KCND1: variants seen among roughly 807,000 people sequenced by gnomAD.
KCND1 encodes potassium voltage-gated channel subfamily D member 1.
Under a neutral mutation model 31.8 loss-of-function variants are expected in KCND1, and 11 were observed. That is an observed-to-expected ratio of 0.35 (90% CI 0.22 to 0.57). The LOEUF is 0.57. Among genes scored for constraint, KCND1 ranks in the 20% least tolerant of loss-of-function variants. The pLI, the probability that KCND1 is intolerant of heterozygous loss-of-function variation, is 0.85. For synonymous variants in KCND1, 234 were observed against 248.1 expected (o/e 0.94, Z 0.53); for missense variants, 471 against 596.8 (o/e 0.79, Z 2.20).
In KCND1 at chrX:48,969,548, A is replaced by G; in HGVS notation, c.724T>C (p.Phe242Leu). 2 of 1,210,994 alleles carry G rather than the reference A, an allele frequency of 1.7e-6. No individual in the cohort carries two copies. The highest frequency in any genetic ancestry group is 2.2e-6 in the Non-Finnish European group (2 of 895,108). The change falls in exon 1 of 6, where the codon TTC becomes CTC. Residue 242 changes from phenylalanine (F) to leucine (L), a missense_variant. Phe to Leu is a conservative substitution (Grantham distance 22). Coordinates refer to ENST00000218176, the MANE Select transcript of KCND1 (RefSeq NM_004979.6). ...FCMDTACVLI[F>L]TGEYLLRLFA... Reference sequence around the variant, plus strand: ...AGCCGCAGGAGGTATTCACCTGTGAATATGAGTACACAGGCTGTGTCCATG... The same window carrying G: ...AGCCGCAGGAGGTATTCACCTGTGAGTATGAGTACACAGGCTGTGTCCATG...
intron 5 of KCND1, among the ~76,000 whole-genome samples, chrX:48,964,491 G>GACACCGCACTCCA (rs1557057671): frequency 1.1e-4 from 12 of 109,071 alleles, no homozygotes; most frequent in African/African-American, 3.0e-4. Flanking sequence ...ACTCCAGTCT[G>GACACCGCACTCCA]GGCGACAGAG....
At chrX:48,968,082 G>A (rs1386822676) in intron 1 of KCND1, 4 of 111,456 alleles carry the variant, frequency 3.6e-5, no homozygotes, top group African/African-American at 1.3e-4. Context: ...AACCAGAATT[G>A]GGGTTTCTAC....
chrX:48,965,274 G>A (rs1344628197), intron 5 of KCND1, among the ~76,000 whole-genome samples: 7 of 110,124 alleles, frequency 6.4e-5, no homozygotes, highest in South Asian at 3.9e-4. Context: ...GGCTGGTCTC[G>A]AACTCCTGAC....
intron 1 of KCND1, 76 bp downstream of exon 1, chrX:48,969,075 C>G (rs1221022991): frequency 1.0e-6 from 1 of 1,001,376 alleles, no homozygotes; most frequent in African/African-American, 2.0e-5. Flanking sequence ...AGAAAGAGAT[C>G]ATTCCTTTAA....
At chrX:48,964,581 G>A (rs1375507558) in intron 5 of KCND1, among the ~76,000 whole-genome samples, 1 of 109,444 alleles carries the variant, frequency 9.1e-6, no homozygotes, top group Non-Finnish European at 1.9e-5. Context: ...GCTGGGTATG[G>A]TGGCGGACAC....
chrX:48,965,039 C>T (rs1311321502), intron 5 of KCND1, among the ~76,000 whole-genome samples: 1 of 105,909 alleles, frequency 9.4e-6, no homozygotes, highest in African/African-American at 3.4e-5. Flanking sequence ...ACTGCATCAC[C>T]ACCCTGCTGT....
Position 48,967,027 on chromosome X carries a change from C to A in KCND1, c.1201G>T (p.Ala401Ser). 1.7e-6 allele frequency: 2 copies of A among 1,209,585 alleles called. No homozygotes were observed. The highest frequency in any genetic ancestry group is 2.2e-6 in the Non-Finnish European group (2 of 894,367). Residue 401 changes from alanine (A) to serine (S), a missense_variant, in exon 2 of 6, where the codon GCC (alanine) becomes TCC (serine). Ala to Ser is a moderately conservative substitution (Grantham distance 99). Transcript: ENST00000218176. Reference sequence around the variant, plus strand: ...GACACAATGACTGGCACAGGCAGGGCAATGACCAAGACGCCACTGAGTGAG... The same window carrying A: ...GACACAATGACTGGCACAGGCAGGGAAATGACCAAGACGCCACTGAGTGAG... ...ICSLSGVLVI[A>S]LPVPVIVSNF...
Position 48,970,477 on chromosome X carries a change from C to A in KCND1, c.-206G>T. On this transcript the variant is annotated 5_prime_UTR_variant, in exon 1 of 6. In the 5' UTR this introduces an upstream ATG that the reference lacks. Transcript: ENST00000218176. ...GACATTTACAGAACCTAGGAGGGGC[C>A]TGGGCAATGTTCTGAGGGACTGAGA... is the stretch of plus-strand genomic sequence containing the variant. 4.9e-6 allele frequency: 2 copies of A among 410,847 alleles called. No homozygotes were observed. Among genetic ancestry groups the A allele is most frequent in the Admixed American group, 4.8e-5 (1 of 21,008 alleles). 33.9% of individuals were successfully genotyped at this position (410,847 alleles called of 1,213,427 possible).
intron 1 of KCND1, chrX:48,967,331 G>A (rs1407849164): frequency 7.7e-6 from 3 of 388,447 alleles, no homozygotes; most frequent in South Asian, 4.3e-5. Flanking sequence ...TACATACCAA[G>A]CACCTGAGTC....
rs1557058654 is a variant in KCND1, at chrX:48,969,926, C to T, written c.346G>A (p.Glu116Lys). The T allele has an allele frequency of 1.7e-6, 2 of 1,210,930 alleles. No individual in the cohort carries two copies. Among genetic ancestry groups the T allele is most frequent in the Non-Finnish European group, 1.1e-6 (1 of 895,042 alleles). The change falls in exon 1 of 6, where the codon GAA (glutamate) becomes AAA (lysine). Residue 116 changes from glutamate to lysine, a missense_variant. Physicochemically the swap from Glu to Lys is moderately conservative, Grantham distance 56 (BLOSUM62 1). Transcript: ENST00000218176. ...PRQECIQAFD[E>K]ELAFYGLVPE... ...ACCAGGCCGTAGAAAGCCAGCTCTT[C>T]GTCGAAGGCCTGGATGCACTCCTGC...
Position 48,964,723 on chromosome X carries a change from A to G in KCND1, c.1718+1332T>C, listed in dbSNP as rs1319808198. Among the ~76,000 whole-genome samples the G allele has an allele frequency of 8.7e-3, 863 of 98,733 alleles. 7 individuals are homozygous for G. Among genetic ancestry groups the G allele is most frequent in the Non-Finnish European group, 0.014 (671 of 48,684 alleles). 85.7% of individuals were successfully genotyped at this position (98,733 alleles called of 115,157 possible). A position where few individuals can be genotyped will look rare whatever the true frequency, so the allele number is the denominator to read the frequency against. ...CAACAAGAGCAAAACTTCGTCTCAA[A>G]AAAAAAAAAAAAAAATGCAGCCAGG... On this transcript the variant is annotated intron_variant, in intron 5 of 5. Coordinates refer to ENST00000218176, the MANE Select transcript of KCND1 (RefSeq NM_004979.6).
intron 5 of KCND1, among the ~76,000 whole-genome samples, chrX:48,965,701 C>G: frequency 9.0e-6 from 1 of 110,589 alleles, no homozygotes; most frequent in East Asian, 2.8e-4. Flanking sequence ...CATGGCAAAA[C>G]CTCATCTCTA....
intron 5 of KCND1, 34 bp from the exon 6 acceptor site, chrX:48,962,840 T>G (rs1189239854): frequency 9.6e-6 from 11 of 1,142,141 alleles, no homozygotes; most frequent in Non-Finnish European, 1.3e-5. Context: ...GGAAGGCTCT[T>G]AAAAAGTTAT....
rs1317450829 is a variant in KCND1 at position 48,971,750 on chromosome X, C to T, written c.-1479G>A. ...CTCGGGGCGTCCTCACCTGTGTCCCCGCTGCAGGAGCAGCAACAGCGGTGG... is the reference window on the plus strand; with the variant it reads ...CTCGGGGCGTCCTCACCTGTGTCCCTGCTGCAGGAGCAGCAACAGCGGTGG... On this transcript the variant is annotated 5_prime_UTR_variant, in exon 1 of 6. Coordinates refer to ENST00000218176, the MANE Select transcript of KCND1 (RefSeq NM_004979.6). Among the ~76,000 whole-genome samples, 1 of 111,098 alleles carries T rather than the reference C, an allele frequency of 9.0e-6. No homozygotes were observed. The highest frequency in any genetic ancestry group is 1.9e-5 in the Non-Finnish European group (1 of 52,692).
At position 48,969,671 on chromosome X, in the gene KCND1, T is replaced by C; in HGVS notation, c.601A>G (p.Ile201Val). 8.3e-7 allele frequency: 1 copy of C among 1,210,366 alleles called. No individual in the cohort carries two copies. Among genetic ancestry groups the C allele is most frequent in the Non-Finnish European group, 1.1e-6 (1 of 895,085 alleles). ...GGGATGGTCTCCACCACATTGGCGA[T>C]GACCGACACGGCGATGAAGAAGCCG... ...VTGFFIAVSVIANVVETIPCR... is the reference protein window; with the variant it reads ...VTGFFIAVSVVANVVETIPCR... Residue 201 changes from isoleucine to valine, a missense_variant, in exon 1 of 6, where the codon ATC (isoleucine) becomes GTC (valine). Ile to Val is a conservative substitution (Grantham distance 29, BLOSUM62 3). Around this residue, in one of 3 missense-constraint regions of KCND1, gnomAD observed 212 missense variants for 257.9 expected, o/e 0.82. Transcript: ENST00000218176.
intron 4 of KCND1, 82 bp downstream of exon 4, chrX:48,966,496 G>A: frequency 9.8e-7 from 1 of 1,024,293 alleles, no homozygotes; most frequent in South Asian, 2.2e-5. Flanking sequence ...TTTGTAGTGA[G>A]CCTCCCATCC....
chrX:48,963,920 T>C (rs1444259959), intron 5 of KCND1, among the ~76,000 whole-genome samples: 4 of 112,092 alleles, frequency 3.6e-5, no homozygotes, highest in Middle Eastern at 4.2e-3. Context: ...ATAGCTTCCT[T>C]GCTATGTCTC....
rs782761340 is a variant in KCND1 at position 48,967,147 on chromosome X, C to T, written c.1122-41G>A. On this transcript the variant is annotated intron_variant, in intron 1 of 5. Coordinates refer to ENST00000218176, the MANE Select transcript of KCND1 (RefSeq NM_004979.6). ...GTAGGCCAAGGTCAGGAAAAGTGCCCACCTACCTTTCAGTCCCCCACTCCA... is the reference window on the plus strand; with the variant it reads ...GTAGGCCAAGGTCAGGAAAAGTGCCTACCTACCTTTCAGTCCCCCACTCCA... 1.3e-5 allele frequency: 15 copies of T among 1,138,184 alleles called. No homozygotes were observed. The Admixed American group carries it at 3.1e-4, about 24-fold the overall frequency. 93.8% of individuals were successfully genotyped at this position (1,138,184 alleles called of 1,213,427 possible).
Position 48,966,250 on chromosome X carries a change from G to A in KCND1, c.1523C>T (p.Pro508Leu). ...TFSEALGAVS[P>L]GGRTSRSTSV... ...GGTGCTACGGCTGGTGCGGCCACCC[G>A]GCGAGACGGCTCCCAGGGCTTCACT... Residue 508 changes from proline to leucine, a missense_variant, in exon 5 of 6, where the codon CCG becomes CTG. Coordinates refer to ENST00000218176, the MANE Select transcript of KCND1 (RefSeq NM_004979.6). 4.2e-6 allele frequency: 5 copies of A among 1,196,465 alleles called. No homozygotes were observed. Among genetic ancestry groups the A allele is most frequent in the South Asian group, 3.7e-5 (2 of 54,765 alleles).
Sources: allele counts gnomAD v4.1 joint callset (sites outside exome capture counted in the v4.1 genomes callset), GRCh38; gene constraint gnomAD v4.1.1; regional missense constraint gnomAD v4.1.1; transcripts MANE v1.5; gene names NCBI Gene and HGNC (gene_info 2026-07-23, HGNC 2026-07-21).